Variants in PPP4R3A observed in about 807,000 individuals in gnomAD.
PPP4R3A encodes the protein protein phosphatase 4 regulatory subunit 3A.
Under a neutral mutation model 91.7 loss-of-function variants are expected in PPP4R3A, and 15 were observed. The observed-to-expected ratio is 0.16, with a 90% CI of 0.11 to 0.25. PPP4R3A has a LOEUF of 0.25. Among genes scored for constraint, PPP4R3A ranks in the 10% least tolerant of loss-of-function variants. The pLI, the probability that PPP4R3A is intolerant of heterozygous loss-of-function variation, is 1.00. For synonymous variants in PPP4R3A, 377 were observed against 348.7 expected, an observed-to-expected ratio of 1.08 and a Z score of -0.91; for missense variants, 623 against 998.4, an observed-to-expected ratio of 0.62 and a Z score of 5.07.
intron 1 of PPP4R3A, among the ~76,000 whole-genome samples, chr14:91,508,848 C>A (rs1204247796): frequency 6.6e-5 from 10 of 152,100 alleles, no homozygotes; most frequent in African/African-American, 2.2e-4. Context: ...CATATGATTC[C>A]AACTTTGCAA....
chr14:91,467,591 C>CAAG (rs200551617), intron 10 of PPP4R3A, among the ~76,000 whole-genome samples: 2 of 151,678 alleles, frequency 1.3e-5, no homozygotes, highest in South Asian at 2.1e-4. Context: ...ATGTTTTTAA[C>CAAG]AACAAAACAC....
intron 10 of PPP4R3A, 97 bp from the exon 11 acceptor site, chr14:91,465,516 T>G: frequency 6.7e-6 from 7 of 1,046,886 alleles, no homozygotes; most frequent in Non-Finnish European, 8.0e-6. Flanking sequence ...AAAAACTGTT[T>G]AACACATATC....
intron 1 of PPP4R3A, among the ~76,000 whole-genome samples, chr14:91,495,301 A>AGTGTGTGTGTGTGT (rs1163043476): frequency 3.9e-3 from 97 of 24,988 alleles, no homozygotes; most frequent in Non-Finnish European, 1.5e-4. Flanking sequence ...CCAGATACAT[A>AGTGTGTGTGTGTGT]ATGTGTGTGT....
In PPP4R3A at chr14:91,507,481, T is replaced by TA. The variant is rs1271438359; in HGVS notation, c.142+2024_142+2025insT. Among the ~76,000 whole-genome samples the TA allele has an allele frequency of 1.5e-4, 16 of 107,092 alleles. 2 individuals carry two copies. The East Asian group carries it at 1.6e-3, about 10-fold the overall frequency. 70.3% of individuals were successfully genotyped at this position (107,092 alleles called of 152,430 possible). ...TATACTATAATTATATATACTATAG[T>TA]TATATATACTATATAGAATATATGC... is the stretch of plus-strand genomic sequence containing the variant. On this transcript the variant is annotated intron_variant, in intron 1 of 14. Coordinates refer to ENST00000554943, the MANE Select transcript of PPP4R3A (RefSeq NM_001366432.2).
At chr14:91,477,086 G>A in intron 4 of PPP4R3A, 100 bp from the exon 5 acceptor site, 1 of 823,060 alleles carries the variant, frequency 1.2e-6, no homozygotes, top group South Asian at 2.2e-5. Context: ...CTATAAAAAG[G>A]AAAGGTGGTA....
chr14:91,479,139 C>T lies in PPP4R3A; in HGVS notation c.916-2153G>A, dbSNP rs1003821214. Among the ~76,000 whole-genome samples, 7 of 152,134 alleles carry T rather than the reference C, an allele frequency of 4.6e-5. No homozygotes were observed. The South Asian group carries it at 1.0e-3, about 23-fold the overall frequency. On this transcript the variant is annotated intron_variant, in intron 4 of 14. Coordinates refer to ENST00000554943, the MANE Select transcript of PPP4R3A (RefSeq NM_001366432.2). ...CTGGGATTACAGGTGTCCACCATCA[C>T]GCCTGGCTAATTTTTGTAGTTTTAG... is the stretch of plus-strand genomic sequence containing the variant.
chr14:91,486,047 G>A (rs920144754), intron 2 of PPP4R3A, among the ~76,000 whole-genome samples: 8 of 152,058 alleles, frequency 5.3e-5, no homozygotes, highest in Admixed American at 1.3e-4. Context: ...TACATTTTAT[G>A]CTGTCATTAA....
Position 91,481,573 on chromosome 14 carries a change from C to T in PPP4R3A, c.915+3G>A. 1.3e-6 allele frequency: 2 copies of T among 1,544,894 alleles called. No individual in the cohort carries two copies. Among genetic ancestry groups the T allele is most frequent in the Non-Finnish European group, 1.7e-6 (2 of 1,151,098 alleles). ...ATATGAAAAAAGGAATGATCTAACTCACCTGCAACATGCCAACAATCTCTA... is the reference window on the plus strand; with the variant it reads ...ATATGAAAAAAGGAATGATCTAACTTACCTGCAACATGCCAACAATCTCTA... On this transcript the variant is annotated splice_donor_region_variant and intron_variant, in intron 4 of 14. Transcript: ENST00000554943.
chr14:91,508,345 CTTG>C (rs1027414953), intron 1 of PPP4R3A, among the ~76,000 whole-genome samples: 1 of 152,170 alleles, frequency 6.6e-6, no homozygotes, highest in East Asian at 1.9e-4. Context: ...AAGGGCTAGT[CTTG>C]TTGGTTTTTC....
intron 9 of PPP4R3A, among the ~76,000 whole-genome samples, chr14:91,472,757 G>C (rs1291266878): frequency 6.6e-6 from 1 of 151,902 alleles, no homozygotes; most frequent in Non-Finnish European, 1.5e-5. Context: ...GCCTTTTAGG[G>C]ACATTTTTGT....
chr14:91,489,535 T>C (rs1331312912), intron 2 of PPP4R3A, among the ~76,000 whole-genome samples: 2 of 152,176 alleles, frequency 1.3e-5, no homozygotes, highest in African/African-American at 4.8e-5. Context: ...TTACAGCAAC[T>C]TTTCCCCAAA....
chr14:91,464,691 T>C (rs1362503065), intron 11 of PPP4R3A, among the ~76,000 whole-genome samples: 1 of 152,210 alleles, frequency 6.6e-6, no homozygotes, highest in Non-Finnish European at 1.5e-5. Context: ...GAAATTGGTC[T>C]TTAGAAATGT....
At chr14:91,483,289 C>T (rs1365110067) in intron 3 of PPP4R3A, among the ~76,000 whole-genome samples, 2 of 152,100 alleles carry the variant, frequency 1.3e-5, no homozygotes, top group East Asian at 1.9e-4. Context: ...AATTGCTTAG[C>T]GTAATGAACA....
At chr14:91,488,551 A>G (rs193242286) in intron 2 of PPP4R3A, among the ~76,000 whole-genome samples, 1 of 152,324 alleles carries the variant, frequency 6.6e-6, no homozygotes, top group African/African-American at 2.4e-5. Flanking sequence ...TTTCATTTTT[A>G]GTTTACCTTT....
At chr14:91,494,424 C>T (rs998633420) in intron 1 of PPP4R3A, among the ~76,000 whole-genome samples, 6 of 151,924 alleles carry the variant, frequency 3.9e-5, no homozygotes, top group African/African-American at 9.7e-5. Flanking sequence ...GACTTGTATC[C>T]GGAATATATA....
intron 3 of PPP4R3A, among the ~76,000 whole-genome samples, chr14:91,484,770 A>C (rs1889784455): frequency 6.6e-6 from 1 of 152,192 alleles, no homozygotes; most frequent in Non-Finnish European, 1.5e-5. Context: ...GGAATTAAGG[A>C]ATCTGGTGAA....
chr14:91,485,610 A>AT (rs759664227), intron 3 of PPP4R3A, 22 bp downstream of exon 3: 3 of 1,546,778 alleles, frequency 1.9e-6, no homozygotes, highest in African/African-American at 1.4e-5. Context: ...AAGCATGTTG[A>AT]TTTTTTTATT....
intron 1 of PPP4R3A, 21 bp from the exon 2 acceptor site, chr14:91,490,823 T>C (rs1396799050): frequency 1.9e-6 from 3 of 1,577,670 alleles, no homozygotes; most frequent in African/African-American, 2.7e-5. Flanking sequence ...GAAAAAGACA[T>C]TCCATTATGT....
At chr14:91,488,540 G>A (rs1273487168) in intron 2 of PPP4R3A, among the ~76,000 whole-genome samples, 2 of 152,090 alleles carry the variant, frequency 1.3e-5, no homozygotes, top group African/African-American at 4.8e-5. Flanking sequence ...AATTGGTAAG[G>A]TTTCATTTTT....
Sources: gnomAD v4.1 joint callset for allele counts (sites outside exome capture counted in the v4.1 genomes callset) on GRCh38, gnomAD v4.1.1 for gene constraint, MANE v1.5 for transcripts, NCBI Gene and HGNC (gene_info 2026-07-23, HGNC 2026-07-21) for gene names.